PPFIA2: variants seen among roughly 807,000 people sequenced by gnomAD.
PPFIA2 encodes the protein PPFI scaffold protein A2, also known as liprin-alpha-2.
PPFIA2 carries 46 observed loss-of-function variants against 175.5 expected under a neutral mutation model. The observed-to-expected ratio is 0.26, with a 90% CI of 0.21 to 0.34. The LOEUF is 0.34. Ranked by LOEUF, PPFIA2 falls within the 10% of genes least tolerant of loss-of-function variation. PPFIA2 has a pLI of 1.00. For synonymous variants in PPFIA2, 568 were observed against 511.4 expected (o/e 1.11, Z -1.49); for missense variants, 1,179 against 1,506.1 (o/e 0.78, Z 3.60).
intron 3 of PPFIA2, among the ~76,000 whole-genome samples, chr12:81,701,192 T>C (rs540102560): frequency 2.0e-4 from 31 of 152,288 alleles, no homozygotes; most frequent in African/African-American, 7.2e-4. Context: ...CAAAGGATTG[T>C]TGGAAAGATT....
At chr12:81,406,013 C>CAGAA (rs1377880204) in intron 7 of PPFIA2, 110 bp from the exon 8 acceptor site, 6 of 564,262 alleles carry the variant, frequency 1.1e-5, no homozygotes, top group African/African-American at 9.7e-5. Flanking sequence ...AACAAATAAC[C>CAGAA]AGAAAGTGAA....
chr12:81,273,289 C>T (rs1262505005), intron 28 of PPFIA2, among the ~76,000 whole-genome samples: 1 of 152,142 alleles, frequency 6.6e-6, no homozygotes, highest in Non-Finnish European at 1.5e-5. Context: ...GAAGGCCCGG[C>T]AGTTTTGGCA....
intron 18 of PPFIA2, among the ~76,000 whole-genome samples, chr12:81,345,151 G>A (rs1455520212): frequency 6.6e-6 from 1 of 152,016 alleles, no homozygotes; most frequent in Non-Finnish European, 1.5e-5. Context: ...GGGCAGATGT[G>A]CTGTTCCTGT....
At chr12:81,434,827 T>G (rs1458513536) in intron 7 of PPFIA2, among the ~76,000 whole-genome samples, 2 of 152,080 alleles carry the variant, frequency 1.3e-5, no homozygotes, top group African/African-American at 4.8e-5. Flanking sequence ...TATTTGTTTA[T>G]AAGAATAATG....
chr12:81,418,382 T>C (rs2045679657), intron 7 of PPFIA2, among the ~76,000 whole-genome samples: 1 of 152,114 alleles, frequency 6.6e-6, no homozygotes, highest in Non-Finnish European at 1.5e-5. Flanking sequence ...AAATATTTCA[T>C]ACTTTTATTG....
At chr12:81,675,652 A>G (rs2072362750) in intron 4 of PPFIA2, 1 of 152,034 alleles carries the variant, frequency 6.6e-6, no homozygotes, top group Non-Finnish European at 1.5e-5. Context: ...ATGGGCAAGC[A>G]CTGTGCAAGG....
chr12:81,682,663 C>T (rs1334909940), intron 3 of PPFIA2, among the ~76,000 whole-genome samples: 1 of 151,958 alleles, frequency 6.6e-6, no homozygotes, highest in East Asian at 1.9e-4. Context: ...TAAAACTTGA[C>T]AAAATTTATT....
At chr12:81,573,840 G>A (rs936160852) in intron 4 of PPFIA2, among the ~76,000 whole-genome samples, 8 of 151,608 alleles carry the variant, frequency 5.3e-5, no homozygotes, top group African/African-American at 1.2e-4. Context: ...AGCTTTTATC[G>A]ACTCCAAGGT....
At chr12:81,266,312 T>C (rs2037246084) in intron 30 of PPFIA2, among the ~76,000 whole-genome samples, 1 of 152,190 alleles carries the variant, frequency 6.6e-6, no homozygotes, top group South Asian at 2.1e-4. Flanking sequence ...TTAAAATGTC[T>C]ACAGTCCACA....
intron 4 of PPFIA2, among the ~76,000 whole-genome samples, chr12:81,570,493 T>G (rs528511355): frequency 3.5e-4 from 54 of 152,224 alleles, no homozygotes; most frequent in African/African-American, 1.3e-3. Flanking sequence ...CTGCTATTTT[T>G]GCCAAGAGAA....
chr12:81,328,227 A>G (rs897848597), intron 21 of PPFIA2, among the ~76,000 whole-genome samples: 2 of 152,186 alleles, frequency 1.3e-5, no homozygotes, highest in Non-Finnish European at 2.9e-5. Context: ...TGATTATCTA[A>G]ATCCAGTGAG....
intron 4 of PPFIA2, among the ~76,000 whole-genome samples, chr12:81,617,657 C>T (rs1281444713): frequency 6.6e-6 from 1 of 152,218 alleles, no homozygotes; most frequent in Non-Finnish European, 1.5e-5. Flanking sequence ...CCCTGGTCCT[C>T]TCTCTGTCCT....
intron 4 of PPFIA2, among the ~76,000 whole-genome samples, chr12:81,665,616 C>T (rs943384932): frequency 7.9e-5 from 12 of 152,082 alleles, no homozygotes; most frequent in East Asian, 3.9e-4. Context: ...AGAGGACTTG[C>T]GTTTGCCAGG....
At chr12:81,397,269 GAGA>G (rs895431820) in intron 8 of PPFIA2, among the ~76,000 whole-genome samples, 8 of 151,906 alleles carry the variant, frequency 5.3e-5, no homozygotes, top group African/African-American at 1.9e-4. Flanking sequence ...AAGAAAGAAA[GAGA>G]AGAAGAGAAG....
rs941923609 is a variant in PPFIA2, at chr12:81,470,194, A to T, written c.304-12328T>A. Reference sequence around the variant, plus strand: ...ATATGAGCAAACTATATATCTGATAAAGGGCTGGTTGTCAAAATATATAAA... The same window carrying T: ...ATATGAGCAAACTATATATCTGATATAGGGCTGGTTGTCAAAATATATAAA... On this transcript the variant is annotated intron_variant, in intron 4 of 32. Coordinates refer to ENST00000549396, the MANE Select transcript of PPFIA2 (RefSeq NM_003625.5). Among the ~76,000 whole-genome samples, 6 of 152,314 alleles carry T rather than the reference A, an allele frequency of 3.9e-5. No individual in the cohort carries two copies. In the South Asian group the frequency reaches 6.2e-4, roughly 16 times the overall value.
intron 15 of PPFIA2, among the ~76,000 whole-genome samples, chr12:81,360,316 C>T (rs932836438): frequency 6.6e-6 from 1 of 151,838 alleles, no homozygotes; most frequent in African/African-American, 2.4e-5. Context: ...GGCATCAGTT[C>T]CTTTAAGCAA....
intron 4 of PPFIA2, among the ~76,000 whole-genome samples, chr12:81,504,153 C>T (rs2147514414): frequency 6.6e-6 from 1 of 152,058 alleles, no homozygotes; most frequent in South Asian, 2.1e-4. Context: ...ATGCAAAATT[C>T]TCTTCCTCAT....
chr12:81,504,440 T>G (rs1236270243), intron 4 of PPFIA2, among the ~76,000 whole-genome samples: 1 of 151,968 alleles, frequency 6.6e-6, no homozygotes, highest in Non-Finnish European at 1.5e-5. Flanking sequence ...AAAACCACAA[T>G]GAGACACCAT....
At chr12:81,458,264 G>A (rs964192742) in intron 4 of PPFIA2, among the ~76,000 whole-genome samples, 11 of 151,350 alleles carry the variant, frequency 7.3e-5, no homozygotes, top group Non-Finnish European at 1.0e-4. Flanking sequence ...CAGAACAACC[G>A]CAAAAAACCC....
Sources: gnomAD v4.1 joint callset for allele counts (sites outside exome capture counted in the v4.1 genomes callset) on GRCh38, gnomAD v4.1.1 for gene constraint, MANE v1.5 for transcripts, NCBI Gene and HGNC (gene_info 2026-07-23, HGNC 2026-07-21) for gene names.